The following GPM6A variants were observed in gnomAD, a reference collection of about 807,000 sequenced individuals.
GPM6A encodes the protein glycoprotein M6A.
Under a neutral mutation model 32.1 loss-of-function variants are expected in GPM6A, and 7 were observed. The observed-to-expected ratio is 0.22, with a 90% CI of 0.12 to 0.41. GPM6A has a LOEUF of 0.41. Among genes scored for constraint, GPM6A ranks in the 10% least tolerant of loss-of-function variants. GPM6A has a pLI of 1.00. For missense variants in GPM6A, 235 were observed against 347.2 expected (o/e 0.68, Z 2.57); for synonymous variants, 130 against 123.4 (o/e 1.05, Z -0.35).
intron 1 of GPM6A, among the ~76,000 whole-genome samples, chr4:175,864,604 T>C (rs1474561038): frequency 5.3e-5 from 8 of 152,142 alleles, no homozygotes; most frequent in Non-Finnish European, 8.8e-5. Context: ...TTTTCACTAC[T>C]TCAAGTGTCC....
At chr4:175,824,594 C>A (rs1273364488) in intron 1 of GPM6A, among the ~76,000 whole-genome samples, 2 of 152,006 alleles carry the variant, frequency 1.3e-5, no homozygotes, top group Admixed American at 1.3e-4. Context: ...TCATTGTGGT[C>A]AGAAACCACG....
intron 1 of GPM6A, among the ~76,000 whole-genome samples, chr4:175,819,694 A>T (rs1735215786): frequency 6.6e-6 from 1 of 152,182 alleles, no homozygotes; most frequent in African/African-American, 2.4e-5. Flanking sequence ...CTGACCCCAA[A>T]GCCCATTCTT....
At chr4:175,993,296 T>C (rs1741207298) in intron 1 of GPM6A, among the ~76,000 whole-genome samples, 1 of 152,152 alleles carries the variant, frequency 6.6e-6, no homozygotes, top group Non-Finnish European at 1.5e-5. Flanking sequence ...GAAAAAACCC[T>C]TAAAACAAAA....
At chr4:175,834,108 G>T (rs539572114) in intron 1 of GPM6A, among the ~76,000 whole-genome samples, 1 of 152,016 alleles carries the variant, frequency 6.6e-6, no homozygotes, top group Admixed American at 6.6e-5. Context: ...CAAAGAGGCC[G>T]TGACTACCCA....
chr4:175,936,345 T>C (rs1055855674), intron 1 of GPM6A, among the ~76,000 whole-genome samples: 3 of 140,796 alleles, frequency 2.1e-5, no homozygotes, highest in Non-Finnish European at 4.7e-5. Context: ...AACTATACAT[T>C]CCTGTTATAT....
At chr4:175,994,223 G>A (rs1400881149) in intron 1 of GPM6A, among the ~76,000 whole-genome samples, 2 of 152,184 alleles carry the variant, frequency 1.3e-5, no homozygotes, top group Non-Finnish European at 2.9e-5. Flanking sequence ...CAAGAAGGCT[G>A]ATTAGTGACT....
chr4:175,917,932 C>A (rs1048901333), intron 1 of GPM6A, among the ~76,000 whole-genome samples: 2 of 152,042 alleles, frequency 1.3e-5, no homozygotes, highest in African/African-American at 2.4e-5. Flanking sequence ...TCCCGGTTCC[C>A]TATTTAGTAA....
At chr4:175,805,732 A>G (rs1734669084) in intron 1 of GPM6A, among the ~76,000 whole-genome samples, 2 of 152,200 alleles carry the variant, frequency 1.3e-5, no homozygotes, top group Admixed American at 1.3e-4. Flanking sequence ...ACATCATTTA[A>G]AAGCCGACAG....
At chr4:175,780,133 C>T (rs1733560545) in intron 1 of GPM6A, among the ~76,000 whole-genome samples, 1 of 151,660 alleles carries the variant, frequency 6.6e-6, no homozygotes, top group African/African-American at 2.4e-5. Context: ...CTGCAACCTC[C>T]GCCTCCCAGG....
chr4:175,827,711 C>G (rs1002579654), intron 1 of GPM6A, among the ~76,000 whole-genome samples: 2 of 152,194 alleles, frequency 1.3e-5, no homozygotes, highest in African/African-American at 4.8e-5. Flanking sequence ...ATCAGAGTTT[C>G]AAATGGCAGC....
intron 1 of GPM6A, among the ~76,000 whole-genome samples, chr4:175,786,643 T>C (rs2111264339): frequency 6.6e-6 from 1 of 152,214 alleles, no homozygotes; most frequent in East Asian, 1.9e-4. Context: ...CGTTCCCTTC[T>C]CCCTCAGAAC....
At chr4:175,928,057 C>A (rs60074638) in intron 1 of GPM6A, among the ~76,000 whole-genome samples, 1,883 of 151,996 alleles carry the variant, frequency 0.012, 34 homozygotes, top group African/African-American at 0.043. Flanking sequence ...TTAAGGAGGA[C>A]GTGAAACTGC....
chr4:175,719,612 A>G (rs1166593069), intron 1 of GPM6A, among the ~76,000 whole-genome samples: 1 of 152,144 alleles, frequency 6.6e-6, no homozygotes, highest in Non-Finnish European at 1.5e-5. Context: ...ATTTGTTACA[A>G]TGTCAGAAAC....
Position 175,812,219 on chromosome 4 carries a change from C to G in GPM6A, c.9G>C (p.Glu3Asp). Residue 3 changes from glutamate to aspartate, a missense_variant, in exon 1 of 7, where the codon GAG becomes GAC. Physicochemically the swap from Glu to Asp is conservative, Grantham distance 45. This residue lies in a region of GPM6A where 101 missense variants were observed against 171.2 expected (regional missense o/e 0.59). Coordinates refer to ENST00000393658, the MANE Select transcript of GPM6A (RefSeq NM_201591.3). ...TTTGTGTCTGTCCCTCTTCCATATTCTCTTCCATGGCTACCTTTCTTCAGT... is the reference window on the plus strand; with the variant it reads ...TTTGTGTCTGTCCCTCTTCCATATTGTCTTCCATGGCTACCTTTCTTCAGT... ME[E>D]NMEEGQTQKG... 1 of 1,561,186 alleles carries G rather than the reference C, an allele frequency of 6.4e-7. No homozygotes were observed. Among genetic ancestry groups the G allele is most frequent in the Non-Finnish European group, 8.7e-7 (1 of 1,152,090 alleles).
At chr4:175,825,730 A>G (rs1045624649) in intron 1 of GPM6A, among the ~76,000 whole-genome samples, 2 of 152,196 alleles carry the variant, frequency 1.3e-5, no homozygotes, top group Non-Finnish European at 2.9e-5. Context: ...GTTAGAAAGG[A>G]AAGAAGACAA....
At chr4:175,666,758 T>C (rs1056806390) in intron 3 of GPM6A, among the ~76,000 whole-genome samples, 26 of 152,288 alleles carry the variant, frequency 1.7e-4, no homozygotes, top group African/African-American at 6.0e-4. Context: ...GAATGTGTAA[T>C]ATTGAGCTAA....
chr4:175,783,867 T>A (rs1311514038), intron 1 of GPM6A, among the ~76,000 whole-genome samples: 2 of 151,976 alleles, frequency 1.3e-5, no homozygotes, highest in Non-Finnish European at 2.9e-5. Context: ...AGCCTCAGAG[T>A]ATCTCTCTGA....
chr4:175,974,212 A>G (rs1740591714), intron 1 of GPM6A, among the ~76,000 whole-genome samples: 1 of 152,178 alleles, frequency 6.6e-6, no homozygotes, highest in Non-Finnish European at 1.5e-5. Context: ...CCTGGGAGAC[A>G]GAGTGAGACT....
chr4:175,762,643 TA>T (rs1012126227), intron 1 of GPM6A, among the ~76,000 whole-genome samples: 6 of 152,140 alleles, frequency 3.9e-5, no homozygotes, highest in South Asian at 4.2e-4. Flanking sequence ...GGCATTCGAT[TA>T]AAAAAAATTA....
Sources: gnomAD v4.1 joint callset for allele counts (sites outside exome capture counted in the v4.1 genomes callset) on GRCh38, gnomAD v4.1.1 for gene constraint, gnomAD v4.1.1 regional missense constraint, MANE v1.5 for transcripts, NCBI Gene and HGNC (gene_info 2026-07-23, HGNC 2026-07-21) for gene names.